Variants in LNX1 observed in about 807,000 individuals in gnomAD.
LNX1 encodes ligand of numb-protein X 1.
In LNX1, 54 loss-of-function variants were observed where a neutral mutation model predicts 68.4. The observed-to-expected ratio is 0.79, with a 90% CI of 0.63 to 0.99. LNX1 has a LOEUF of 0.99. LNX1 is among the 50% of genes least tolerant of loss of function. LNX1 has a pLI of 0.00. For missense variants in LNX1, 906 were observed against 926.4 expected (o/e 0.98, Z 0.29); for synonymous variants, 336 against 350.0 (o/e 0.96, Z 0.45).
intron 2 of LNX1, among the ~76,000 whole-genome samples, chr4:53,548,480 G>A (rs1729264939): frequency 6.6e-6 from 1 of 152,094 alleles, no homozygotes; most frequent in Non-Finnish European, 1.5e-5. Context: ...GATTGATATA[G>A]GTCTGTGATC....
intron 2 of LNX1, chr4:53,524,169 A>G (rs1727447259): frequency 6.6e-6 from 1 of 152,138 alleles, no homozygotes; most frequent in African/African-American, 2.4e-5. Flanking sequence ...AATTATATAT[A>G]TATTTTTTCT....
intron 2 of LNX1, among the ~76,000 whole-genome samples, chr4:53,514,081 C>T (rs1472562398): frequency 6.6e-6 from 1 of 152,198 alleles, no homozygotes; most frequent in African/African-American, 2.4e-5. Context: ...TCCTTCAGGC[C>T]TCTGATTAAA....
chr4:53,483,454 T>C (rs1280707814), intron 6 of LNX1, among the ~76,000 whole-genome samples: 1 of 152,266 alleles, frequency 6.6e-6, no homozygotes, highest in African/African-American at 2.4e-5. Flanking sequence ...CCAGAATTGC[T>C]GACCATTGAG....
intron 1 of LNX1, among the ~76,000 whole-genome samples, chr4:53,624,039 C>T (rs188289778): frequency 1.3e-5 from 2 of 152,292 alleles, no homozygotes; most frequent in Admixed American, 1.3e-4. Context: ...TAACTCCATC[C>T]TTTTGCTTGC....
intron 1 of LNX1, among the ~76,000 whole-genome samples, chr4:53,579,721 G>A (rs1731716982): frequency 6.6e-6 from 1 of 152,098 alleles, no homozygotes; most frequent in South Asian, 2.1e-4. Context: ...CAGAACAATG[G>A]GATCCTTGGT....
chr4:53,515,145 T>C (rs1157866794), intron 2 of LNX1, among the ~76,000 whole-genome samples: 2 of 152,128 alleles, frequency 1.3e-5, no homozygotes, highest in Non-Finnish European at 2.9e-5. Context: ...ATGTAGGAGC[T>C]CTCTCTCCAG....
chr4:53,544,200 C>T (rs1054637886), intron 2 of LNX1, among the ~76,000 whole-genome samples: 1 of 151,184 alleles, frequency 6.6e-6, no homozygotes, highest in Non-Finnish European at 1.5e-5. Flanking sequence ...CTCTCTCTCT[C>T]TCTCTTTTTT....
chr4:53,647,906 C>T (rs1463059715), intron 1 of LNX1, among the ~76,000 whole-genome samples: 1 of 152,248 alleles, frequency 6.6e-6, no homozygotes, highest in Admixed American at 6.5e-5. Flanking sequence ...ATATAACATC[C>T]TCAAGTTTCA....
intron 1 of LNX1, among the ~76,000 whole-genome samples, chr4:53,581,226 T>C (rs1731816442): frequency 6.6e-6 from 1 of 152,224 alleles, no homozygotes; most frequent in Non-Finnish European, 1.5e-5. Context: ...TCCTGATATG[T>C]ACATTTTTAT....
intron 2 of LNX1, among the ~76,000 whole-genome samples, chr4:53,515,945 T>G (rs1345500417): frequency 6.6e-6 from 1 of 152,188 alleles, no homozygotes; most frequent in African/African-American, 2.4e-5. Context: ...TTATTTACCA[T>G]GAGGTTTAAA....
intron 2 of LNX1, among the ~76,000 whole-genome samples, chr4:53,554,851 C>CA (rs3067036): frequency 0.022 from 2,629 of 121,262 alleles, 50 homozygotes; most frequent in Middle Eastern, 0.039. Flanking sequence ...GACTCTGTCT[C>CA]AAAAAAAAAA....
chr4:53,495,288 A>G (rs1560626267), intron 6 of LNX1, among the ~76,000 whole-genome samples: 5 of 152,214 alleles, frequency 3.3e-5, no homozygotes, highest in Admixed American at 1.3e-4. Flanking sequence ...AGAAAAAAAA[A>G]TTTCAACAGT....
intron 2 of LNX1, among the ~76,000 whole-genome samples, chr4:53,517,402 C>T (rs1256323502): frequency 6.6e-6 from 1 of 152,112 alleles, no homozygotes; most frequent in East Asian, 1.9e-4. Context: ...CAAAACAGTT[C>T]CACTTGCACT....
chr4:53,497,954 G>T (rs964880237), intron 5 of LNX1, among the ~76,000 whole-genome samples: 2 of 152,190 alleles, frequency 1.3e-5, no homozygotes, highest in Admixed American at 1.3e-4. Flanking sequence ...GCAGGGAGGG[G>T]TTTCTTGGCA....
At position 53,521,670 on chromosome 4, in the gene LNX1, TC is replaced by T. The variant is rs199911645; in HGVS notation, c.381-13444del. Among the ~76,000 whole-genome samples the T allele has an allele frequency of 8.1e-3, 1,234 of 152,248 alleles. 14 individuals are homozygous for T. The highest frequency in any genetic ancestry group is 0.027 in the African/African-American group (1,140 of 41,534). On this transcript the variant is annotated intron_variant, in intron 2 of 10. Coordinates refer to ENST00000263925, the MANE Select transcript of LNX1 (RefSeq NM_001126328.3). ...ACCTTACTCCTTCTATAAAACATATTCCCAAAAATTGTGTTATGCAAACGAA... is the reference window on the plus strand; with the variant it reads ...ACCTTACTCCTTCTATAAAACATATTCCAAAAATTGTGTTATGCAAACGAA...
At chr4:53,558,553 G>A (rs866887932) in intron 2 of LNX1, among the ~76,000 whole-genome samples, 1 of 152,182 alleles carries the variant, frequency 6.6e-6, no homozygotes, top group African/African-American at 2.4e-5. Context: ...TCACTGTCTT[G>A]ACTGCACTGA....
intron 1 of LNX1, among the ~76,000 whole-genome samples, chr4:53,626,281 T>A (rs1734072490): frequency 6.6e-6 from 1 of 152,148 alleles, no homozygotes; most frequent in East Asian, 1.9e-4. Context: ...CAGAGTTTCT[T>A]TTTGGGGTCA....
At chr4:53,579,096 G>A (rs1451513194) in intron 1 of LNX1, among the ~76,000 whole-genome samples, 4 of 152,186 alleles carry the variant, frequency 2.6e-5, no homozygotes, top group Admixed American at 1.3e-4. Flanking sequence ...AAGTAAGAGA[G>A]AGGGCCTGTC....
At chr4:53,527,158 T>G (rs1727678253) in intron 2 of LNX1, among the ~76,000 whole-genome samples, 1 of 152,070 alleles carries the variant, frequency 6.6e-6, no homozygotes, top group African/African-American at 2.4e-5. Flanking sequence ...AATATTCAGT[T>G]TTCTGTTCTC....
Sources: gnomAD v4.1 joint callset for allele counts (sites outside exome capture counted in the v4.1 genomes callset) on GRCh38, gnomAD v4.1.1 for gene constraint, MANE v1.5 for transcripts, NCBI Gene and HGNC (gene_info 2026-07-23, HGNC 2026-07-21) for gene names.